The following FAM20B variants were observed in gnomAD, a reference collection of about 807,000 sequenced individuals.
FAM20B encodes glycosaminoglycan xylosylkinase.
FAM20B carries 23 observed loss-of-function variants against 43.8 expected under a neutral mutation model. The observed-to-expected ratio is 0.53, with a 90% CI of 0.38 to 0.74. FAM20B has a LOEUF of 0.74. Among genes scored for constraint, FAM20B ranks in the 30% least tolerant of loss-of-function variants. The pLI, the probability that FAM20B is intolerant of heterozygous loss-of-function variation, is 0.00. For synonymous variants in FAM20B, 178 were observed against 192.4 expected (o/e 0.93, Z 0.62); for missense variants, 440 against 510.5 (o/e 0.86, Z 1.33).
At position 179,071,212 on chromosome 1, in the gene FAM20B, C is replaced by T. The variant is rs186841376; in HGVS notation, c.999-701C>T. ...TCAGGAGGCTGAGGCAGGAGAATGG[C>T]GTGAACCCGGGAGGCAGAGCTTGCA... On this transcript the variant is annotated intron_variant, in intron 7 of 7. Coordinates refer to ENST00000263733, the MANE Select transcript of FAM20B (RefSeq NM_014864.4). Among the ~76,000 whole-genome samples the T allele has an allele frequency of 2.2e-4, 33 of 151,912 alleles. No individual in the cohort carries two copies. The South Asian group carries it at 3.1e-3, about 14-fold the overall frequency.
intron 1 of FAM20B, among the ~76,000 whole-genome samples, chr1:179,030,409 ATCCT>A (rs1044715157): frequency 2.6e-5 from 4 of 152,106 alleles, no homozygotes; most frequent in Non-Finnish European, 5.9e-5. Flanking sequence ...GTCTTGTATC[ATCCT>A]TGGGCAGTGT....
intron 6 of FAM20B, among the ~76,000 whole-genome samples, chr1:179,066,432 A>G (rs1230701702): frequency 6.6e-6 from 1 of 152,000 alleles, no homozygotes; most frequent in Non-Finnish European, 1.5e-5. Context: ...AATCTAATAT[A>G]AATGGCTTTT....
rs1475093428 is a variant in FAM20B at position 179,073,344 on chromosome 1, C to G, written c.*1200C>G. 6.6e-6 allele frequency: 1 copy of G among 151,930 alleles called. No individual in the cohort carries two copies. The highest frequency in any genetic ancestry group is 1.9e-4 in the East Asian group (1 of 5,198). 9.4% of individuals were successfully genotyped at this position (151,930 alleles called of 1,614,324 possible). On this transcript the variant is annotated 3_prime_UTR_variant, in exon 8 of 8. Transcript: ENST00000263733. ...TTTTCTTTTTTTTTTGAGACCAAGT[C>G]TCACTCTGTTGCCCAGGCTGGAGTG... is the stretch of plus-strand genomic sequence containing the variant.
At chr1:179,022,379 G>A (rs1435944664), upstream of FAM20B, among the ~76,000 whole-genome samples, 2 of 152,194 alleles carry the variant, frequency 1.3e-5, no homozygotes, top group African/African-American at 2.4e-5. Context: ...CTTGCTTGAT[G>A]TAGAATTAAT....
intron 1 of FAM20B, among the ~76,000 whole-genome samples, chr1:179,034,745 A>G (rs1344655363): frequency 1.3e-5 from 2 of 152,194 alleles, no homozygotes; most frequent in Non-Finnish European, 2.9e-5. Flanking sequence ...ATAATTCTAT[A>G]CCAGTTAAGA....
upstream of FAM20B, among the ~76,000 whole-genome samples, chr1:179,022,291 C>T (rs774994020): frequency 6.6e-6 from 1 of 152,182 alleles, no homozygotes; most frequent in South Asian, 2.1e-4. Context: ...CTCCTTTACT[C>T]GCTAGCCTTT....
chr1:179,048,255 C>A (rs1386445012), intron 2 of FAM20B, among the ~76,000 whole-genome samples: 2 of 152,142 alleles, frequency 1.3e-5, no homozygotes, highest in African/African-American at 4.8e-5. Context: ...ATCAGCTAGT[C>A]CAACTGTCCA....
chr1:179,070,460 C>T (rs1469103040), intron 7 of FAM20B, among the ~76,000 whole-genome samples: 1 of 149,710 alleles, frequency 6.7e-6, no homozygotes, highest in Non-Finnish European at 1.5e-5. Context: ...GTCATCATGT[C>T]ACATGGCAGA....
intron 7 of FAM20B, among the ~76,000 whole-genome samples, chr1:179,067,073 A>G (rs568560551): frequency 2.6e-5 from 4 of 152,182 alleles, no homozygotes; most frequent in South Asian, 2.1e-4. Flanking sequence ...CAAATTTTGT[A>G]TGAATAGAAG....
At position 179,075,714 on chromosome 1, in the gene FAM20B, T is replaced by C. The variant is rs1299534059; in HGVS notation, c.*3570T>C. On this transcript the variant is annotated 3_prime_UTR_variant, in exon 8 of 8. Transcript: ENST00000263733. Reference sequence around the variant, plus strand: ...GAAAGATGAGTCCTATACGTGGCAATTTTTCAATGTCATCTGAAGCCAGCA... The same window carrying C: ...GAAAGATGAGTCCTATACGTGGCAACTTTTCAATGTCATCTGAAGCCAGCA... 1 of 152,552 alleles carries C rather than the reference T, an allele frequency of 6.6e-6. No individual in the cohort carries two copies. Among genetic ancestry groups the C allele is most frequent in the East Asian group, 1.9e-4 (1 of 5,190 alleles). The allele number at this position is 152,552 out of a possible 1,614,324, so 9.4% of individuals were successfully genotyped here.
intron 2 of FAM20B, among the ~76,000 whole-genome samples, chr1:179,048,089 GA>G (rs1349539925): frequency 1.3e-5 from 2 of 151,952 alleles, no homozygotes; most frequent in African/African-American, 2.4e-5. Flanking sequence ...AAGTAAAGGT[GA>G]TTTTTTTTTT....
intron 1 of FAM20B, 98 bp from the exon 2 acceptor site, chr1:179,043,617 G>T (rs1202568551): frequency 2.2e-6 from 1 of 454,166 alleles, no homozygotes; most frequent in African/African-American, 2.0e-5. Flanking sequence ...AGAATAGAAA[G>T]CCTAAAAGGG....
At chr1:179,044,914 A>G (rs2102499008) in intron 2 of FAM20B, among the ~76,000 whole-genome samples, 1 of 152,354 alleles carries the variant, frequency 6.6e-6, no homozygotes, top group East Asian at 1.9e-4. Flanking sequence ...TTGTGTTTCT[A>G]CCAGCAATGC....
At chr1:179,036,125 G>A (rs1338364881) in intron 1 of FAM20B, among the ~76,000 whole-genome samples, 1 of 151,988 alleles carries the variant, frequency 6.6e-6, no homozygotes, top group Non-Finnish European at 1.5e-5. Flanking sequence ...GCGAGACTCT[G>A]TCTCAAAATA....
chr1:179,042,187 A>G (rs1650577236), intron 1 of FAM20B, among the ~76,000 whole-genome samples: 1 of 152,154 alleles, frequency 6.6e-6, no homozygotes, highest in Non-Finnish European at 1.5e-5. Flanking sequence ...CTCAGCTCGT[A>G]CTACTGGCCT....
At chr1:179,026,507 CTT>C (rs1649788700) in intron 1 of FAM20B, among the ~76,000 whole-genome samples, 1 of 152,164 alleles carries the variant, frequency 6.6e-6, no homozygotes, top group South Asian at 2.1e-4. Flanking sequence ...CGGTGCCTCT[CTT>C]GTGTTCCCCG....
intron 1 of FAM20B, chr1:179,035,741 C>G: frequency 3.4e-6 from 1 of 297,714 alleles, no homozygotes; most frequent in South Asian, 3.7e-5. Flanking sequence ...TATCTCTTCT[C>G]CCAAAACAAC....
chr1:179,019,458 T>C, the FAM20B span, among the ~76,000 whole-genome samples: 1 of 148,218 alleles, frequency 6.7e-6, no homozygotes, highest in African/African-American at 2.6e-5. Flanking sequence ...TTTTTTTGTT[T>C]GTTTGTTTCT....
intron 1 of FAM20B, among the ~76,000 whole-genome samples, chr1:179,038,130 T>C (rs768068200): frequency 2.0e-5 from 3 of 152,150 alleles, no homozygotes; most frequent in Non-Finnish European, 2.9e-5. Flanking sequence ...TATGGGTTGG[T>C]CGGGACAGTG....
Sources: gnomAD v4.1 joint callset for allele counts (sites outside exome capture counted in the v4.1 genomes callset) on GRCh38, gnomAD v4.1.1 for gene constraint, MANE v1.5 for transcripts, NCBI Gene and HGNC (gene_info 2026-07-23, HGNC 2026-07-21) for gene names.